HTR2A: variants seen among roughly 807,000 people sequenced by gnomAD.
HTR2A encodes the protein 5-hydroxytryptamine receptor 2A.
In HTR2A, 14 loss-of-function variants were observed where a neutral mutation model predicts 31.0. The ratio of observed to expected loss-of-function variants is 0.45; its 90% CI spans 0.30 to 0.71. The LOEUF is 0.71. Ranked by LOEUF, HTR2A falls within the 30% of genes least tolerant of loss-of-function variation. The pLI, the probability that HTR2A is intolerant of heterozygous loss-of-function variation, is 0.09. For synonymous variants in HTR2A, 209 were observed against 225.2 expected (o/e 0.93, Z 0.64); for missense variants, 442 against 573.3 (o/e 0.77, Z 2.34).
intron 3 of HTR2A, among the ~76,000 whole-genome samples, chr13:46,879,293 C>T (rs1183382557): frequency 6.6e-6 from 1 of 152,168 alleles, no homozygotes; most frequent in Admixed American, 6.5e-5. Flanking sequence ...TGAGCTGTTT[C>T]TTTCATGTTG....
rs537689864 is a variant in HTR2A at position 46,851,146 on chromosome 13, CTA to C, written c.614-15509_614-15508del. 3.9e-4 allele frequency among the ~76,000 whole-genome samples: 59 copies of C among 152,298 alleles called. 1 individual carries two copies. The highest frequency in any genetic ancestry group is 6.7e-4 in the African/African-American group (28 of 41,570). On this transcript the variant is annotated intron_variant, in intron 3 of 3. Coordinates refer to ENST00000542664, the MANE Select transcript of HTR2A (RefSeq NM_000621.5). ...ATCACTGAGCCTGGGTGTACAAACACTATGTCTTGTGTGTATGTGTCTGTGTA... is the reference window on the plus strand; with the variant it reads ...ATCACTGAGCCTGGGTGTACAAACACTGTCTTGTGTGTATGTGTCTGTGTA...
intron 3 of HTR2A, among the ~76,000 whole-genome samples, chr13:46,874,672 G>T (rs757725171): frequency 6.6e-6 from 1 of 152,238 alleles, no homozygotes; most frequent in Non-Finnish European, 1.5e-5. Context: ...TGCCATCACT[G>T]GCATCTAACA....
chr13:46,867,484 T>C (rs1207346258), intron 3 of HTR2A, among the ~76,000 whole-genome samples: 1 of 152,232 alleles, frequency 6.6e-6, no homozygotes, highest in Non-Finnish European at 1.5e-5. Flanking sequence ...GCTTGGTGCA[T>C]ATGTGTATGT....
chr13:46,847,950 A>C (rs1206234267), intron 3 of HTR2A, among the ~76,000 whole-genome samples: 1 of 151,966 alleles, frequency 6.6e-6, no homozygotes, highest in African/African-American at 2.4e-5. Flanking sequence ...TGTCTTACCC[A>C]CTGTTTCCTA....
At position 46,896,970 on chromosome 13, in the gene HTR2A, C is replaced by A. The variant is rs766506317; in HGVS notation, c.-625G>T. 7.1e-6 allele frequency: 5 copies of A among 708,208 alleles called. No homozygotes were observed. The highest frequency in any genetic ancestry group is 1.2e-5 in the Non-Finnish European group (5 of 427,794). 43.9% of individuals were successfully genotyped at this position (708,208 alleles called of 1,614,324 possible). A position where few individuals can be genotyped will look rare whatever the true frequency, so the allele number is the denominator to read the frequency against. ...AAATCATTCACGAGCCCCTCAAAGT[C>A]GCACAAAAGAACTGCATGGGAAAGT... On this transcript the variant is annotated 5_prime_UTR_variant, in exon 1 of 4. Transcript: ENST00000542664.
intron 3 of HTR2A, among the ~76,000 whole-genome samples, chr13:46,850,158 G>T (rs1923887): frequency 2.6e-5 from 4 of 151,978 alleles, no homozygotes; most frequent in Non-Finnish European, 4.4e-5. Context: ...TCCCTAGACA[G>T]AGCCCTTTCT....
chr13:46,845,904 A>T (rs1950639265), intron 3 of HTR2A, among the ~76,000 whole-genome samples: 1 of 152,200 alleles, frequency 6.6e-6, no homozygotes. Flanking sequence ...GTCCCATAAG[A>T]TTAGAATAAG....
At chr13:46,863,630 G>GAAAATATAAAAAAAAAAAAAA (rs1950796811) in intron 3 of HTR2A, among the ~76,000 whole-genome samples, 1 of 59,254 alleles carries the variant, frequency 1.7e-5, no homozygotes. Flanking sequence ...CCCTCAAAAT[G>GAAAATATAAAAAAAAAAAAAA]AAAAAAAAAA....
intron 3 of HTR2A, among the ~76,000 whole-genome samples, chr13:46,866,900 G>A (rs191536900): frequency 5.0e-4 from 76 of 152,210 alleles, no homozygotes; most frequent in African/African-American, 1.8e-3. Flanking sequence ...GGTGGTGGGC[G>A]CCTGTAATCC....
chr13:46,834,714 T>G lies in HTR2A; in HGVS notation c.*123A>C, dbSNP rs1318305639. On this transcript the variant is annotated 3_prime_UTR_variant, in exon 4 of 4. Coordinates refer to ENST00000542664, the MANE Select transcript of HTR2A (RefSeq NM_000621.5). ...TTCATTGACAGAATAAAATGAGGCA[T>G]ACAGATATGATCGTTGGTTCCACTA... 7.1e-6 allele frequency: 5 copies of G among 701,666 alleles called. No homozygotes were observed. Among genetic ancestry groups the G allele is most frequent in the Non-Finnish European group, 1.2e-5 (5 of 422,856 alleles). The allele number at this position is 701,666 out of a possible 1,614,324, so 43.5% of individuals were successfully genotyped here. A position where few individuals can be genotyped will look rare whatever the true frequency, so the allele number is the denominator to read the frequency against.
intron 3 of HTR2A, among the ~76,000 whole-genome samples, chr13:46,841,289 C>A (rs1432689633): frequency 6.6e-6 from 1 of 152,160 alleles, no homozygotes; most frequent in Non-Finnish European, 1.5e-5. Context: ...CTCTCTCCAC[C>A]ACCCCCACCA....
upstream of HTR2A, among the ~76,000 whole-genome samples, chr13:46,897,329 G>C (rs1160114122): frequency 1.3e-5 from 2 of 152,152 alleles, no homozygotes; most frequent in African/African-American, 4.8e-5. Context: ...TGTCCTCGGA[G>C]TGCTGTGAGT....
At chr13:46,852,969 C>T (rs7328886) in intron 3 of HTR2A, among the ~76,000 whole-genome samples, 148,612 of 151,032 alleles carry the variant, frequency 0.98, 73,142 homozygotes, top group South Asian at 1. Context: ...AGTTCTAGGG[C>T]TTTTTTTTTT....
chr13:46,847,261 C>A (rs1019076370), intron 3 of HTR2A, among the ~76,000 whole-genome samples: 2 of 152,212 alleles, frequency 1.3e-5, no homozygotes, highest in African/African-American at 4.8e-5. Context: ...GGATTTCTAC[C>A]CTTTTTCAAT....
intron 3 of HTR2A, among the ~76,000 whole-genome samples, chr13:46,891,270 G>A (rs1183737813): frequency 6.6e-6 from 1 of 152,176 alleles, no homozygotes; most frequent in Non-Finnish European, 1.5e-5. Context: ...ATTTGTTAGT[G>A]TTTCCATCAG....
At chr13:46,867,572 T>C (rs1328674) in intron 3 of HTR2A, among the ~76,000 whole-genome samples, 143,293 of 152,290 alleles carry the variant, frequency 0.94, 67,449 homozygotes, top group South Asian at 0.98. Context: ...GAAGGATTTT[T>C]GAATAGTGAA....
chr13:46,883,859 C>G (rs952854820), intron 3 of HTR2A, among the ~76,000 whole-genome samples: 10 of 152,170 alleles, frequency 6.6e-5, no homozygotes, highest in Admixed American at 2.0e-4. Context: ...AGCTCCCACA[C>G]AGAAAACACA....
intron 3 of HTR2A, among the ~76,000 whole-genome samples, chr13:46,862,004 CTAT>C (rs1296445433): frequency 6.6e-6 from 1 of 152,194 alleles, no homozygotes; most frequent in Non-Finnish European, 1.5e-5. Context: ...TTCTGTCTTG[CTAT>C]TATTGCCTGT....
At chr13:46,837,656 G>A (rs1488376702) in intron 3 of HTR2A, among the ~76,000 whole-genome samples, 1 of 152,150 alleles carries the variant, frequency 6.6e-6, no homozygotes, top group Non-Finnish European at 1.5e-5. Flanking sequence ...CTGGAAAAAG[G>A]TTTTTGGAGA....
Sources: gnomAD v4.1 joint callset for allele counts (sites outside exome capture counted in the v4.1 genomes callset) on GRCh38, gnomAD v4.1.1 for gene constraint, MANE v1.5 for transcripts, NCBI Gene and HGNC (gene_info 2026-07-23, HGNC 2026-07-21) for gene names.